The following CSRNP3 variants were observed in gnomAD, a reference collection of about 807,000 sequenced individuals.
CSRNP3 encodes the protein cysteine and serine rich nuclear protein 3.
Under a neutral mutation model 48.0 loss-of-function variants are expected in CSRNP3, and 12 were observed. The observed-to-expected ratio is 0.25, with a 90% CI of 0.16 to 0.41. The LOEUF is 0.41. CSRNP3 is among the 10% of genes least tolerant of loss of function. The probability of loss-of-function intolerance (pLI) is 1.00; values close to 1 mark genes in which losing one functional copy is unlikely to be tolerated. For missense variants in CSRNP3, 580 were observed against 724.4 expected (o/e 0.80, Z 2.29); for synonymous variants, 263 against 269.7 (o/e 0.98, Z 0.24).
chr2:165,590,667 A>T (rs529910958), intron 3 of CSRNP3, among the ~76,000 whole-genome samples: 2 of 152,218 alleles, frequency 1.3e-5, no homozygotes, highest in African/African-American at 2.4e-5. Context: ...GTGAGTTCTC[A>T]TGAGATCTGA....
At chr2:165,574,252 GA>G (rs1685413973) in intron 3 of CSRNP3, 2 of 744,964 alleles carry the variant, frequency 2.7e-6, no homozygotes. Flanking sequence ...GAAGCGAGAG[GA>G]GGGGGCAGAA....
intron 2 of CSRNP3, among the ~76,000 whole-genome samples, chr2:165,504,869 C>T (rs1252775341): frequency 6.6e-6 from 1 of 152,112 alleles, no homozygotes; most frequent in Non-Finnish European, 1.5e-5. Flanking sequence ...TTAAAGACCA[C>T]ACTGAAGACG....
At chr2:165,520,253 A>C (rs1684633905) in intron 3 of CSRNP3, among the ~76,000 whole-genome samples, 1 of 152,150 alleles carries the variant, frequency 6.6e-6, no homozygotes, top group Non-Finnish European at 1.5e-5. Flanking sequence ...ATCTGGTTGG[A>C]ATATTTTCAT....
At chr2:165,532,630 T>C (rs1684829041) in intron 3 of CSRNP3, among the ~76,000 whole-genome samples, 1 of 151,336 alleles carries the variant, frequency 6.6e-6, no homozygotes, top group African/African-American at 2.4e-5. Context: ...ACTGGAAGGA[T>C]TCCCTTTGAA....
intron 5 of CSRNP3, among the ~76,000 whole-genome samples, chr2:165,667,121 GAGAA>G (rs142009364): frequency 0.13 from 14,271 of 113,188 alleles, 1,497 homozygotes; most frequent in South Asian, 0.27. Context: ...GAAGGAAAGA[GAGAA>G]AGAAAGAAAG....
intron 3 of CSRNP3, among the ~76,000 whole-genome samples, chr2:165,564,799 A>T (rs977706529): frequency 1.1e-4 from 17 of 152,072 alleles, no homozygotes; most frequent in African/African-American, 4.1e-4. Context: ...TGTTAAATGT[A>T]TTTGGGTGAT....
chr2:165,650,753 C>T (rs1271680952), intron 4 of CSRNP3, among the ~76,000 whole-genome samples: 1 of 152,108 alleles, frequency 6.6e-6, no homozygotes, highest in Non-Finnish European at 1.5e-5. Flanking sequence ...TTGATTTCAG[C>T]AATCTCATTT....
intron 1 of CSRNP3, among the ~76,000 whole-genome samples, chr2:165,486,161 T>G (rs973356331): frequency 2.6e-5 from 4 of 152,166 alleles, no homozygotes; most frequent in Admixed American, 6.5e-5. Flanking sequence ...GAGTTCCCTT[T>G]CCGAGTCAAA....
chr2:165,582,500 C>A (rs1388991504), intron 3 of CSRNP3, among the ~76,000 whole-genome samples: 3 of 152,202 alleles, frequency 2.0e-5, no homozygotes, highest in Admixed American at 2.0e-4. Context: ...CTGGAAATGT[C>A]TCCAGCAAAT....
chr2:165,592,674 CT>C (rs1685738051), intron 3 of CSRNP3, among the ~76,000 whole-genome samples: 2 of 152,062 alleles, frequency 1.3e-5, no homozygotes, highest in Non-Finnish European at 1.5e-5. Flanking sequence ...GGCTTTTTCC[CT>C]TTTTCTTGGA....
chr2:165,544,989 G>C (rs969065702), intron 3 of CSRNP3, among the ~76,000 whole-genome samples: 2 of 152,106 alleles, frequency 1.3e-5, no homozygotes, highest in African/African-American at 2.4e-5. Flanking sequence ...TGAAGTAGGA[G>C]GAAACCCAAA....
chr2:165,479,990 T>C (rs567088040), intron 1 of CSRNP3, among the ~76,000 whole-genome samples: 1 of 152,272 alleles, frequency 6.6e-6, no homozygotes, highest in African/African-American at 2.4e-5. Context: ...CTGGTCACTC[T>C]GGGGGAAAAT....
intron 2 of CSRNP3, among the ~76,000 whole-genome samples, chr2:165,511,434 TA>T (rs753150328): frequency 2.0e-5 from 3 of 152,104 alleles, no homozygotes; most frequent in Non-Finnish European, 4.4e-5. Flanking sequence ...ACAGAGGGTA[TA>T]ATTGAAGTCG....
At position 165,657,882 on chromosome 2, in the gene CSRNP3, C is replaced by T; in HGVS notation, c.270C>T (p.Ser90=). 1 of 1,614,108 alleles carries T rather than the reference C, an allele frequency of 6.2e-7. No homozygotes were observed. The highest frequency in any genetic ancestry group is 8.5e-7 in the Non-Finnish European group (1 of 1,180,016). The change falls in exon 5 of 7, where the codon AGC becomes AGT. Residue 90 remains serine (S), a synonymous_variant. Transcript: ENST00000651982. ...CAAGTGTGCCCAGTCAAGGGGGAAGCACCCTGGGGATGTCCAGCCGCCATA... is the reference window on the plus strand; with the variant it reads ...CAAGTGTGCCCAGTCAAGGGGGAAGTACCCTGGGGATGTCCAGCCGCCATA... The part of the protein sequence containing the change: ...GFTSVPSQGG[S]TLGMSSRHNS...
At position 165,623,097 on chromosome 2, in the gene CSRNP3, A is replaced by C. The variant is rs573496934; in HGVS notation, c.148+27884A>C. The stretch of plus-strand genomic sequence containing the variant: ...AAACATAAATAAATAAAATAAAAAA[A>C]TGACAATTTTTGAAAGGATACAGTA... On this transcript the variant is annotated intron_variant, in intron 4 of 6. Coordinates refer to ENST00000651982, the MANE Select transcript of CSRNP3 (RefSeq NM_001172173.2). Among the ~76,000 whole-genome samples the C allele has an allele frequency of 4.9e-3, 743 of 152,338 alleles. 5 individuals are homozygous for C. Among genetic ancestry groups the C allele is most frequent in the Non-Finnish European group, 8.6e-3 (586 of 68,036 alleles).
At chr2:165,673,387 C>T (rs960163452) in intron 5 of CSRNP3, among the ~76,000 whole-genome samples, 2 of 151,892 alleles carry the variant, frequency 1.3e-5, no homozygotes, top group African/African-American at 4.8e-5. Flanking sequence ...ATCTGCCTGC[C>T]TCCGTCTACC....
chr2:165,567,726 A>G (rs1311523147), intron 3 of CSRNP3, among the ~76,000 whole-genome samples: 1 of 152,020 alleles, frequency 6.6e-6, no homozygotes, highest in Non-Finnish European at 1.5e-5. Flanking sequence ...ACTAAAACAC[A>G]TTTGTCTTTT....
chr2:165,666,050 A>AGGAAAG (rs372672347), intron 5 of CSRNP3, among the ~76,000 whole-genome samples: 79,218 of 102,440 alleles, frequency 0.77, 31,422 homozygotes, highest in Non-Finnish European at 0.83. Flanking sequence ...GAAGGAAGGA[A>AGGAAAG]AGAGAGAGGA....
At chr2:165,666,962 G>T (rs1573957259) in intron 5 of CSRNP3, among the ~76,000 whole-genome samples, 1 of 138,934 alleles carries the variant, frequency 7.2e-6, no homozygotes, top group Non-Finnish European at 1.5e-5. Context: ...GAGGAAGGAA[G>T]GAAGGAAGGA....
Sources: allele counts gnomAD v4.1 joint callset (sites outside exome capture counted in the v4.1 genomes callset), GRCh38; gene constraint gnomAD v4.1.1; transcripts MANE v1.5; gene names NCBI Gene and HGNC (gene_info 2026-07-23, HGNC 2026-07-21).